Variants in NR2E3 observed in about 807,000 individuals in gnomAD.
NR2E3 encodes the protein nuclear receptor subfamily 2 group E member 3.
NR2E3 carries 38 observed loss-of-function variants against 37.6 expected under a neutral mutation model. The ratio of observed to expected loss-of-function variants is 1.01; its 90% CI spans 0.78 to 1.33. NR2E3 has a LOEUF of 1.33. NR2E3 is among the 40% of genes most tolerant of loss of function. The pLI is 0.00. For synonymous variants in NR2E3, 235 were observed against 225.1 expected, an observed-to-expected ratio of 1.04 and a Z score of -0.39; for missense variants, 562 against 558.7, an observed-to-expected ratio of 1.01 and a Z score of -0.06.
rs779314442 is a variant in NR2E3 at position 71,813,595 on chromosome 15, G to A, written c.954G>A (p.Thr318=). The A allele has an allele frequency of 1.2e-5, 19 of 1,613,828 alleles. No homozygotes were observed. The highest frequency in any genetic ancestry group is 1.6e-4 in the Middle Eastern group (1 of 6,084). Residue 318 remains threonine, a synonymous_variant, in exon 6 of 8, where the codon ACG becomes ACA. Transcript: ENST00000617575. This position sits in a 1 kb window ranked among gnomAD's most constrained non-coding sequence, Gnocchi z 4.7. The part of the protein sequence containing the change: ...SRFRALAVDP[T]EFACMKALVL... Reference sequence around the variant, plus strand: ...TCCGGGCATTGGCGGTGGACCCCACGGAGTTTGCCTGCATGAAGGCCTTGG... The same window carrying A: ...TCCGGGCATTGGCGGTGGACCCCACAGAGTTTGCCTGCATGAAGGCCTTGG...
rs920214661 is a variant in NR2E3, at chr15:71,811,443, C to G, written c.119-40C>G. ...GGGGAGCGTGCAGCCCTGCCCCGGCCCAGCCCTGCCCTGGCCCAGCCCTGC... is the reference window on the plus strand; with the variant it reads ...GGGGAGCGTGCAGCCCTGCCCCGGCGCAGCCCTGCCCTGGCCCAGCCCTGC... On this transcript the variant is annotated intron_variant, in intron 1 of 7. Coordinates refer to ENST00000617575, the MANE Select transcript of NR2E3 (RefSeq NM_014249.4). The surrounding 1 kb of genome is among the most constrained non-coding windows in gnomAD (Gnocchi z 5.6). The G allele has an allele frequency of 6.7e-7, 1 of 1,482,842 alleles. No homozygotes were observed. The highest frequency in any genetic ancestry group is 9.0e-7 in the Non-Finnish European group (1 of 1,109,698). The allele number at this position is 1,482,842 out of a possible 1,614,324, so 91.9% of individuals were successfully genotyped here.
intron 5 of NR2E3, among the ~76,000 whole-genome samples, chr15:71,812,859 C>T (rs1272791593): frequency 1.3e-5 from 2 of 152,178 alleles, no homozygotes; most frequent in Non-Finnish European, 2.9e-5. Flanking sequence ...ACACCCTGAA[C>T]AGGCTGAGTG....
Position 71,810,715 on chromosome 15 carries a change from G to T in NR2E3, c.-29G>T. 6.4e-7 allele frequency: 1 copy of T among 1,552,676 alleles called. No individual in the cohort carries two copies. Among genetic ancestry groups the T allele is most frequent in the Non-Finnish European group, 8.7e-7 (1 of 1,148,074 alleles). On this transcript the variant is annotated 5_prime_UTR_variant, in exon 1 of 8. Coordinates refer to ENST00000617575, the MANE Select transcript of NR2E3 (RefSeq NM_014249.4). ...CCAGGCTCAGCAACCCAGGCCTCCC[G>T]CAGGCAGGCAGAGGCTGCCCTGTAA...
At position 71,811,591 on chromosome 15, in the gene NR2E3, G is replaced by A. The variant is rs104894493; in HGVS notation, c.227G>A (p.Arg76Gln). 497 of 1,604,280 alleles carry A rather than the reference G, an allele frequency of 3.1e-4. 1 individual carries two copies. Among genetic ancestry groups the A allele is most frequent in the South Asian group, 4.0e-4 (36 of 88,984 alleles). ...GCSGFFKRSV[R>Q]RRLIYRCQVG... ...AGCGGCTTCTTCAAGAGGAGCGTAC[G>A]GCGGAGGCTCATCTACAGGTGAGTG... Residue 76 changes from arginine (R) to glutamine (Q), a missense_variant, in exon 2 of 8, where the codon CGG (arginine) becomes CAG (glutamine). By Grantham distance (43) the Arg-to-Gln change is conservative. Transcript: ENST00000617575. This position sits in a 1 kb window ranked among gnomAD's most constrained non-coding sequence, Gnocchi z 5.6.
chr15:71,813,291 A>C lies in NR2E3; in HGVS notation c.748-98A>C, dbSNP rs2054200500. 1 of 1,501,260 alleles carries C rather than the reference A, an allele frequency of 6.7e-7. No homozygotes were observed. Among genetic ancestry groups the C allele is most frequent in the Admixed American group, 2.0e-5 (1 of 50,990 alleles). 93.0% of individuals were successfully genotyped at this position (1,501,260 alleles called of 1,614,324 possible). On this transcript the variant is annotated intron_variant, in intron 5 of 7. Coordinates refer to ENST00000617575, the MANE Select transcript of NR2E3 (RefSeq NM_014249.4). This position sits in a 1 kb window ranked among gnomAD's most constrained non-coding sequence, Gnocchi z 4.7. ...GAGCATTCTCGGGTCCCAGGACAGCACTTCCATTCCTTGGGTGCCTGAGAT... is the reference window on the plus strand; with the variant it reads ...GAGCATTCTCGGGTCCCAGGACAGCCCTTCCATTCCTTGGGTGCCTGAGAT...
Position 71,811,630 on chromosome 15 carries a change from T to C in NR2E3, c.245+21T>C. Reference sequence around the variant, plus strand: ...TACAGGTGAGTGCGGTGGGCCCTGCTGGGCGTCTGCCCCTGAGGGGTTCTG... The same window carrying C: ...TACAGGTGAGTGCGGTGGGCCCTGCCGGGCGTCTGCCCCTGAGGGGTTCTG... On this transcript the variant is annotated intron_variant, in intron 2 of 7. Coordinates refer to ENST00000617575, the MANE Select transcript of NR2E3 (RefSeq NM_014249.4). This position sits in a 1 kb window ranked among gnomAD's most constrained non-coding sequence, Gnocchi z 5.6. 1 of 1,599,328 alleles carries C rather than the reference T, an allele frequency of 6.3e-7. No homozygotes were observed. The highest frequency in any genetic ancestry group is 8.5e-7 in the Non-Finnish European group (1 of 1,173,434).
Position 71,811,614 on chromosome 15 carries a change from G to C in NR2E3, c.245+5G>C, listed in dbSNP as rs369582682. On this transcript the variant is annotated splice_donor_5th_base_variant and intron_variant, in intron 2 of 7. Coordinates refer to ENST00000617575, the MANE Select transcript of NR2E3 (RefSeq NM_014249.4). This position sits in a 1 kb window ranked among gnomAD's most constrained non-coding sequence, Gnocchi z 5.6. ...ACGGCGGAGGCTCATCTACAGGTGA[G>C]TGCGGTGGGCCCTGCTGGGCGTCTG... 4 of 1,603,262 alleles carry C rather than the reference G, an allele frequency of 2.5e-6. No individual in the cohort carries two copies. Among genetic ancestry groups the C allele is most frequent in the Non-Finnish European group, 2.6e-6 (3 of 1,175,498 alleles).
At position 71,816,422 on chromosome 15, in the gene NR2E3, G is replaced by A. The variant is rs924453261; in HGVS notation, c.1101-1130G>A. The stretch of plus-strand genomic sequence containing the variant: ...ACTACAGGCGCCCACCACCACGCCC[G>A]GCTAATTTTTTGTATTTTTAGTAGA... On this transcript the variant is annotated intron_variant, in intron 7 of 7. Coordinates refer to ENST00000617575, the MANE Select transcript of NR2E3 (RefSeq NM_014249.4). Among the ~76,000 whole-genome samples the A allele has an allele frequency of 2.5e-4, 38 of 151,900 alleles. No individual in the cohort carries two copies. In the South Asian group the frequency reaches 2.5e-3, roughly 10 times the overall value.
chr15:71,814,309 A>G, intron 7 of NR2E3, 192 bp downstream of exon 7: 4 of 1,383,616 alleles, frequency 2.9e-6, no homozygotes, highest in Middle Eastern at 2.2e-4. Context: ...ACATAAGACA[A>G]AGCTACTGCC....
Position 71,813,408 on chromosome 15 carries a change from C to T in NR2E3, c.767C>T (p.Ala256Val), listed in dbSNP as rs377257254. 38 of 1,611,394 alleles carry T rather than the reference C, an allele frequency of 2.4e-5. 2 individuals are homozygous for T. In the South Asian group the frequency reaches 3.5e-4, roughly 15 times the overall value. ...FRDQVILLEE[A>V]WSELFLLGAI... is the part of the protein sequence containing the mutation. Reference sequence around the variant, plus strand: ...GCACAGGTGATCCTGCTGGAAGAGGCGTGGAGTGAACTCTTTCTCCTCGGG... The same window carrying T: ...GCACAGGTGATCCTGCTGGAAGAGGTGTGGAGTGAACTCTTTCTCCTCGGG... The change falls in exon 6 of 8, where the codon GCG becomes GTG. Residue 256 changes from alanine (A) to valine (V), a missense_variant. Ala to Val is a moderately conservative substitution (Grantham distance 64). Coordinates refer to ENST00000617575, the MANE Select transcript of NR2E3 (RefSeq NM_014249.4). This position sits in a 1 kb window ranked among gnomAD's most constrained non-coding sequence, Gnocchi z 4.7.
At chr15:71,814,941 T>C (rs1001021644) in intron 7 of NR2E3, 8 of 978,440 alleles carry the variant, frequency 8.2e-6, no homozygotes, top group Non-Finnish European at 7.3e-6. Context: ...GAGAAGACAT[T>C]GTTAAAAATA....
At position 71,813,727 on chromosome 15, in the gene NR2E3, G is replaced by A; in HGVS notation, c.994+92G>A. 3.2e-6 allele frequency: 5 copies of A among 1,581,296 alleles called. No individual in the cohort carries two copies. The highest frequency in any genetic ancestry group is 4.3e-6 in the Non-Finnish European group (5 of 1,162,026). On this transcript the variant is annotated intron_variant, in intron 6 of 7. Transcript: ENST00000617575. The surrounding 1 kb of genome is among the most constrained non-coding windows in gnomAD (Gnocchi z 4.7). The stretch of plus-strand genomic sequence containing the variant: ...CTCCACTACCCCCATGTGTGCAGAT[G>A]TGTGTAGGCCTCTATCCTGGGGGGT...
chr15:71,811,001 G>C lies in NR2E3; in HGVS notation c.118+140G>C. The C allele has an allele frequency of 2.2e-6, 2 of 900,094 alleles. No individual in the cohort carries two copies. The highest frequency in any genetic ancestry group is 3.3e-6 in the Non-Finnish European group (2 of 609,570). The allele number at this position is 900,094 out of a possible 1,614,324, so 55.8% of individuals were successfully genotyped here. A position where few individuals can be genotyped will look rare whatever the true frequency, so the allele number is the denominator to read the frequency against. ...GCTGTGGGCAAGGGTGGGGTAGCCT[G>C]TGGGTAAACCCAGAATCCTAGAAAC... On this transcript the variant is annotated intron_variant, in intron 1 of 7. Transcript: ENST00000617575. This position sits in a 1 kb window ranked among gnomAD's most constrained non-coding sequence, Gnocchi z 5.6.
At position 71,812,344 on chromosome 15, in the gene NR2E3, A is replaced by C; in HGVS notation, c.580A>C (p.Asn194His). 1 of 1,613,742 alleles carries C rather than the reference A, an allele frequency of 6.2e-7. No homozygotes were observed. The highest frequency in any genetic ancestry group is 8.5e-7 in the Non-Finnish European group (1 of 1,179,792). Residue 194 changes from asparagine to histidine, a missense_variant, in exon 5 of 8, where the codon AAT (asparagine) becomes CAT (histidine). Asn to His is a moderately conservative substitution (Grantham distance 68). Coordinates refer to ENST00000617575, the MANE Select transcript of NR2E3 (RefSeq NM_014249.4). ...ACCTCCTCCTCCAACAGCTGATGAG[A>C]ATATTGATGTCACCAGCAATGACCC... ...AKLEPEDADE[N>H]IDVTSNDPEF... is the part of the protein sequence containing the mutation.
At chr15:71,817,444 C>T (rs184929487) in intron 7 of NR2E3, 108 bp from the exon 8 acceptor site, 45 of 1,400,492 alleles carry the variant, frequency 3.2e-5, no homozygotes, top group Non-Finnish European at 4.3e-5. Context: ...CTCTGGGGAC[C>T]TCATCTCTCC....
chr15:71,814,875 G>A (rs937364728), intron 7 of NR2E3: 1 of 985,434 alleles, frequency 1.0e-6, no homozygotes, highest in Non-Finnish European at 1.2e-6. Flanking sequence ...GAGTTGAAAT[G>A]GGTCAGACCC....
At position 71,814,008 on chromosome 15, in the gene NR2E3, C is replaced by T. The variant is rs1476068941; in HGVS notation, c.995-4C>T. The T allele has an allele frequency of 6.2e-7, 1 of 1,610,012 alleles. No individual in the cohort carries two copies. Among genetic ancestry groups the T allele is most frequent in the South Asian group, 1.1e-5 (1 of 89,854 alleles). On this transcript the variant is annotated splice_region_variant and splice_polypyrimidine_tract_variant and intron_variant, in intron 6 of 7. Transcript: ENST00000617575. Reference sequence around the variant, plus strand: ...CTAAGCTCACTGGTGCTGCTTCTCCCCAGAGACGCGGGGCCTGAAGGATCC... The same window carrying T: ...CTAAGCTCACTGGTGCTGCTTCTCCTCAGAGACGCGGGGCCTGAAGGATCC...
Position 71,812,030 on chromosome 15 carries a change from G to C in NR2E3, c.425G>C (p.Arg142Pro). The C allele has an allele frequency of 6.4e-7, 1 of 1,554,380 alleles. No homozygotes were observed. The highest frequency in any genetic ancestry group is 8.7e-7 in the Non-Finnish European group (1 of 1,149,164). ...AGCATGGAGTCCAACACTGAGTCCC[G>C]GCCGGAGTCCCTGGTGGCTCCCCCG... ...LDSMESNTES[R>P]PESLVAPPAP... The change falls in exon 4 of 8, where the codon CGG becomes CCG. Residue 142 changes from arginine (R) to proline (P), a missense_variant. By Grantham distance (103) the Arg-to-Pro change is moderately radical (BLOSUM62 -2). Coordinates refer to ENST00000617575, the MANE Select transcript of NR2E3 (RefSeq NM_014249.4).
intron 5 of NR2E3, 33 bp downstream of exon 5, chr15:71,812,544 C>T: frequency 6.4e-7 from 1 of 1,570,576 alleles, no homozygotes; most frequent in South Asian, 1.2e-5. Context: ...GGGAGCTAGG[C>T]TGGGCTGGGG....
Sources: gnomAD v4.1 joint callset for allele counts (sites outside exome capture counted in the v4.1 genomes callset) on GRCh38, gnomAD v4.1.1 for gene constraint, Gnocchi (gnomAD v3.1) non-coding constraint, MANE v1.5 for transcripts, NCBI Gene and HGNC (gene_info 2026-07-23, HGNC 2026-07-21) for gene names.